Variants in TMTC2 observed in about 807,000 individuals in gnomAD.
The protein encoded by TMTC2 is protein O-mannosyl-transferase TMTC2.
TMTC2 carries 43 observed loss-of-function variants against 82.4 expected under a neutral mutation model. That is an observed-to-expected ratio of 0.52 (90% CI 0.41 to 0.67). The LOEUF (loss-of-function observed/expected upper bound fraction) is 0.67, where lower values mean the gene tolerates loss of function less well. TMTC2 is among the 30% of genes least tolerant of loss of function. The probability of loss-of-function intolerance (pLI) is 0.00; values close to 1 mark genes in which losing one functional copy is unlikely to be tolerated. For synonymous variants in TMTC2, 408 were observed against 381.9 expected (o/e 1.07, Z -0.80); for missense variants, 919 against 1,012.4 (o/e 0.91, Z 1.25).
In TMTC2 at chr12:82,930,520, A is replaced by C. The variant is rs768660147; in HGVS notation, c.1573A>C (p.Asn525His). The C allele has an allele frequency of 6.3e-7, 1 of 1,595,028 alleles. No homozygotes were observed. Residue 525 changes from asparagine to histidine, a missense_variant, in exon 4 of 12, where the codon AAC (asparagine) becomes CAC (histidine). Coordinates refer to ENST00000321196, the MANE Select transcript of TMTC2 (RefSeq NM_152588.3). ...TAGAAATGCTTTGTACTACCGCAGC[A>C]ACATGGCTGACATGCTTTATAATTT... ...AYRNALYYRS[N>H]MADMLYNLGL... is the part of the protein sequence containing the mutation.
intron 10 of TMTC2, among the ~76,000 whole-genome samples, chr12:83,060,874 C>T (rs763443507): frequency 6.6e-6 from 1 of 151,776 alleles, no homozygotes; most frequent in Non-Finnish European, 1.5e-5. Context: ...ACAAATCTGT[C>T]TGTAAATTTC....
At chr12:82,930,053 G>A (rs1284824650) in intron 3 of TMTC2, among the ~76,000 whole-genome samples, 1 of 151,866 alleles carries the variant, frequency 6.6e-6, no homozygotes, top group African/African-American at 2.4e-5. Context: ...TGAAATATTT[G>A]TTTATTTTAA....
intron 1 of TMTC2, among the ~76,000 whole-genome samples, chr12:82,751,921 G>T (rs1173525331): frequency 6.6e-6 from 1 of 152,040 alleles, no homozygotes; most frequent in African/African-American, 2.4e-5. Flanking sequence ...TAAAAGGAGT[G>T]TGTCAGTCTA....
At chr12:83,058,640 G>T (rs1316750452) in intron 10 of TMTC2, among the ~76,000 whole-genome samples, 1 of 151,824 alleles carries the variant, frequency 6.6e-6, no homozygotes, top group Non-Finnish European at 1.5e-5. Flanking sequence ...ATGTTAAACG[G>T]AGCAAGTTGC....
intron 1 of TMTC2, among the ~76,000 whole-genome samples, chr12:82,723,964 T>G (rs1013514845): frequency 6.6e-6 from 1 of 152,216 alleles, no homozygotes; most frequent in Non-Finnish European, 1.5e-5. Flanking sequence ...TTATCCAGGG[T>G]GACCCTGGAT....
intron 11 of TMTC2, among the ~76,000 whole-genome samples, chr12:83,113,378 A>G (rs79252901): frequency 0.036 from 5,515 of 152,292 alleles, 165 homozygotes; most frequent in Non-Finnish European, 0.054. Flanking sequence ...CTTATCGATA[A>G]AAACTTTAAC....
intron 1 of TMTC2, among the ~76,000 whole-genome samples, chr12:82,711,656 G>GA (rs1018651582): frequency 9.2e-5 from 14 of 151,906 alleles, no homozygotes; most frequent in African/African-American, 3.1e-4. Context: ...TGAAAGAAAA[G>GA]AAAAAAAATG....
At chr12:82,849,263 T>A (rs1178004278) in intron 1 of TMTC2, among the ~76,000 whole-genome samples, 1 of 152,058 alleles carries the variant, frequency 6.6e-6, no homozygotes, top group Non-Finnish European at 1.5e-5. Flanking sequence ...CTAAGATGTG[T>A]TGGACACTGG....
intron 1 of TMTC2, among the ~76,000 whole-genome samples, chr12:82,706,917 G>A (rs960218993): frequency 3.3e-5 from 5 of 152,214 alleles, no homozygotes; most frequent in African/African-American, 1.2e-4. Flanking sequence ...GCTCACAAAT[G>A]TGTGTTGTGT....
At chr12:82,812,733 AT>A (rs1212076632) in intron 1 of TMTC2, among the ~76,000 whole-genome samples, 1 of 151,794 alleles carries the variant, frequency 6.6e-6, no homozygotes, top group African/African-American at 2.4e-5. Flanking sequence ...TCCCTCTTCC[AT>A]TTTCTTTTGC....
intron 3 of TMTC2, among the ~76,000 whole-genome samples, chr12:82,907,274 T>G (rs143947124): frequency 0.016 from 2,389 of 151,332 alleles, 48 homozygotes; most frequent in African/African-American, 0.052. Flanking sequence ...CCAGCCTGGC[T>G]AGCATGGTGA....
intron 1 of TMTC2, among the ~76,000 whole-genome samples, chr12:82,745,964 AGTTT>A (rs1592895676): frequency 3.3e-5 from 5 of 152,272 alleles, no homozygotes; most frequent in Admixed American, 2.0e-4. Flanking sequence ...TTACGTGGGC[AGTTT>A]GTTTGCTTAT....
chr12:82,887,940 G>A (rs781196993), intron 2 of TMTC2, among the ~76,000 whole-genome samples: 2 of 152,062 alleles, frequency 1.3e-5, no homozygotes, highest in African/African-American at 2.4e-5. Flanking sequence ...TTAGCCTGGC[G>A]TGGTGGCACA....
chr12:82,739,565 ATATT>A (rs1266800409), intron 1 of TMTC2, among the ~76,000 whole-genome samples: 1 of 152,006 alleles, frequency 6.6e-6, no homozygotes, highest in African/African-American at 2.4e-5. Context: ...ACTGGACTAT[ATATT>A]TATGTAGATT....
chr12:82,837,266 G>A (rs1870097235), intron 1 of TMTC2, among the ~76,000 whole-genome samples: 1 of 152,148 alleles, frequency 6.6e-6, no homozygotes, highest in Non-Finnish European at 1.5e-5. Flanking sequence ...TAAGGCTGAA[G>A]TTCAGGAAAT....
intron 1 of TMTC2, among the ~76,000 whole-genome samples, chr12:82,777,176 T>A (rs1302328104): frequency 6.6e-6 from 1 of 152,130 alleles, no homozygotes; most frequent in Non-Finnish European, 1.5e-5. Flanking sequence ...CTAGGATGAC[T>A]TTATCATTTA....
chr12:83,032,114 G>T (rs1881451760), intron 9 of TMTC2, among the ~76,000 whole-genome samples: 1 of 151,738 alleles, frequency 6.6e-6, no homozygotes, highest in South Asian at 2.1e-4. Flanking sequence ...TTCCCTGAGT[G>T]CTAAAAGGCT....
At chr12:82,999,664 G>A (rs115472488) in intron 8 of TMTC2, among the ~76,000 whole-genome samples, 2,494 of 152,218 alleles carry the variant, frequency 0.016, 68 homozygotes, top group African/African-American at 0.057. Flanking sequence ...GGAAACTCCC[G>A]TTTTTAAAAC....
intron 8 of TMTC2, among the ~76,000 whole-genome samples, chr12:83,012,157 C>G (rs1016686679): frequency 1.3e-5 from 2 of 152,092 alleles, no homozygotes; most frequent in Non-Finnish European, 2.9e-5. Flanking sequence ...GAAAGCTAGT[C>G]TAGTGTATCA....
Sources: allele counts gnomAD v4.1 joint callset (sites outside exome capture counted in the v4.1 genomes callset), GRCh38; gene constraint gnomAD v4.1.1; transcripts MANE v1.5; gene names NCBI Gene and HGNC (gene_info 2026-07-23, HGNC 2026-07-21).